VGLL3: variants seen among roughly 807,000 people sequenced by gnomAD.
VGLL3 encodes vestigial like family member 3.
VGLL3 carries 18 observed loss-of-function variants against 29.2 expected under a neutral mutation model. The ratio of observed to expected loss-of-function variants is 0.62; its 90% CI spans 0.43 to 0.91. The LOEUF (loss-of-function observed/expected upper bound fraction) is 0.91, where lower values mean the gene tolerates loss of function less well. Ranked by LOEUF, VGLL3 falls within the 40% of genes least tolerant of loss-of-function variation. VGLL3 has a pLI of 0.00. For missense variants in VGLL3, 440 were observed against 413.2 expected, an observed-to-expected ratio of 1.06 and a Z score of -0.56; for synonymous variants, 180 against 151.8, an observed-to-expected ratio of 1.19 and a Z score of -1.36.
chr3:86,987,359 G>A lies in VGLL3; in HGVS notation c.126+3259C>T, dbSNP rs74891247. Among the ~76,000 whole-genome samples, 902 of 152,206 alleles carry A rather than the reference G, an allele frequency of 5.9e-3. 34 individuals are homozygous for A. In the East Asian group the frequency reaches 0.11, roughly 19 times the overall value. On this transcript the variant is annotated intron_variant, in intron 1 of 3. Transcript: ENST00000398399. ...CCAAGGGCACTTAATTTTTTCAAGT[G>A]AAAGCATGCATGCAGATTCATCCAG...
intron 1 of VGLL3, among the ~76,000 whole-genome samples, chr3:86,983,627 C>T (rs575578211): frequency 3.2e-4 from 49 of 152,226 alleles, no homozygotes; most frequent in Admixed American, 8.5e-4. Context: ...CTTAAGTGAT[C>T]CTCCTGCCTC....
Position 86,968,811 on chromosome 3 carries a change from C to T in VGLL3, c.716G>A (p.Arg239His), listed in dbSNP as rs202199504. ...HHHPHAHMHH[R>H]HRHHHHHHHP... ...GTGATGGTGATGATGGTGGCGGTGG[C>T]GGTGGTGCATGTGGGCATGAGGGTG... Residue 239 changes from arginine (R) to histidine (H), a missense_variant, in exon 3 of 4, where the codon CGC (arginine) becomes CAC (histidine). Arg to His is a conservative substitution (Grantham distance 29). Transcript: ENST00000398399. 17 of 1,613,806 alleles carry T rather than the reference C, an allele frequency of 1.1e-5. No individual in the cohort carries two copies. In the East Asian group the frequency reaches 1.3e-4, roughly 13 times the overall value.
intron 1 of VGLL3, among the ~76,000 whole-genome samples, chr3:86,983,587 T>G (rs1705374718): frequency 6.6e-6 from 1 of 152,148 alleles, no homozygotes; most frequent in South Asian, 2.1e-4. Context: ...GATCTCACTA[T>G]GTTGCCAGGG....
In VGLL3 at chr3:86,990,825, G is replaced by T. The variant is rs1705570691; in HGVS notation, c.-82C>A. ...GAGGGGCGCGGGCGCCGCCGCCGCCGCAGCTGCCGCCTCTGTCGCTGCTCC... is the reference window on the plus strand; with the variant it reads ...GAGGGGCGCGGGCGCCGCCGCCGCCTCAGCTGCCGCCTCTGTCGCTGCTCC... On this transcript the variant is annotated 5_prime_UTR_variant, in exon 1 of 4. Coordinates refer to ENST00000398399, the MANE Select transcript of VGLL3 (RefSeq NM_016206.4). 6 of 1,192,640 alleles carry T rather than the reference G, an allele frequency of 5.0e-6. No individual in the cohort carries two copies. Among genetic ancestry groups the T allele is most frequent in the Non-Finnish European group, 6.3e-6 (6 of 955,898 alleles). 73.9% of individuals were successfully genotyped at this position (1,192,640 alleles called of 1,614,324 possible).
In VGLL3 at chr3:86,961,605, ACT is replaced by A. The variant is rs1487278313; in HGVS notation, c.937+6983_937+6984del. On this transcript the variant is annotated intron_variant, in intron 3 of 3. Coordinates refer to ENST00000398399, the MANE Select transcript of VGLL3 (RefSeq NM_016206.4). ...ACGATCACAAATATTTCCACATTTA[ACT>A]CTCTCCTTCCTTATACACAAAGGGG... Among the ~76,000 whole-genome samples the A allele has an allele frequency of 3.9e-5, 6 of 152,098 alleles. No individual in the cohort carries two copies. The South Asian group carries it at 1.2e-3, about 32-fold the overall frequency.
chr3:86,955,167 G>C (rs1425848076), intron 3 of VGLL3, among the ~76,000 whole-genome samples: 1 of 152,048 alleles, frequency 6.6e-6, no homozygotes, highest in South Asian at 2.1e-4. Flanking sequence ...TGATACCTAG[G>C]AGTATGACTT....
Position 86,945,138 on chromosome 3 carries a change from A to G in VGLL3, c.*1886T>C, listed in dbSNP as rs989025680. On this transcript the variant is annotated 3_prime_UTR_variant, in exon 4 of 4. Transcript: ENST00000398399. The stretch of plus-strand genomic sequence containing the variant: ...AGGTATCTTAAATTTGGACCCCACA[A>G]TGGTAAAAATGTGCATATTGTGTAA... 2.0e-5 allele frequency: 3 copies of G among 152,214 alleles called. No individual in the cohort carries two copies. Among genetic ancestry groups the G allele is most frequent in the Non-Finnish European group, 4.4e-5 (3 of 68,038 alleles). The allele number at this position is 152,214 out of a possible 1,614,324, so 9.4% of individuals were successfully genotyped here. A position where few individuals can be genotyped will look rare whatever the true frequency, so the allele number is the denominator to read the frequency against.
In VGLL3 at chr3:86,990,683, T is replaced by C; in HGVS notation, c.61A>G (p.Asn21Asp). 7.2e-7 allele frequency: 1 copy of C among 1,395,986 alleles called. No homozygotes were observed. The highest frequency in any genetic ancestry group is 9.3e-7 in the Non-Finnish European group (1 of 1,070,364). The allele number at this position is 1,395,986 out of a possible 1,614,324, so 86.5% of individuals were successfully genotyped here. A position where few individuals can be genotyped will look rare whatever the true frequency, so the allele number is the denominator to read the frequency against. ...GGGCAGGTTGTCGCTGCCATGGGGT[T>C]GGGCAGATACTGGGACGCTCCATAA... ...QPYGASQYLP[N>D]PMAATTCPTA... The change falls in exon 1 of 4, where the codon AAC becomes GAC. Residue 21 changes from asparagine (N) to aspartate (D), a missense_variant. Transcript: ENST00000398399.
In VGLL3 at chr3:86,968,601, C is replaced by A. The variant is rs762423149; in HGVS notation, c.926G>T (p.Gly309Val). Residue 309 changes from glycine (G) to valine (V), a missense_variant, in exon 3 of 4, where the codon GGA (glycine) becomes GTA (valine). Physicochemically the swap from Gly to Val is moderately radical, Grantham distance 109. Coordinates refer to ENST00000398399, the MANE Select transcript of VGLL3 (RefSeq NM_016206.4). The part of the protein sequence containing the change: ...HGTVDIVPSV[G>V]FDTGLQHQDK... ...ATCCAGCAGCTTACCTGTATCGAATCCCACGCTGGGCACTATGTCTACTGT... is the reference window on the plus strand; with the variant it reads ...ATCCAGCAGCTTACCTGTATCGAATACCACGCTGGGCACTATGTCTACTGT... 34 of 1,612,684 alleles carry A rather than the reference C, an allele frequency of 2.1e-5. 2 individuals are homozygous for A. In the South Asian group the frequency reaches 3.4e-4, roughly 16 times the overall value.
chr3:86,962,141 G>C, intron 3 of VGLL3: 1 of 985,332 alleles, frequency 1.0e-6, no homozygotes, highest in South Asian at 4.7e-5. Flanking sequence ...TGAGATTTGT[G>C]ATAACAGCCT....
intron 3 of VGLL3, among the ~76,000 whole-genome samples, chr3:86,952,202 G>C (rs751403434): frequency 6.6e-6 from 1 of 152,110 alleles, no homozygotes; most frequent in Non-Finnish European, 1.5e-5. Flanking sequence ...TGAGAATAAC[G>C]GAGCTGCCAG....
At chr3:86,982,840 G>A (rs1035224982) in intron 1 of VGLL3, among the ~76,000 whole-genome samples, 4 of 152,150 alleles carry the variant, frequency 2.6e-5, no homozygotes, top group Non-Finnish European at 5.9e-5. Context: ...ACATAGTTAT[G>A]ACAATTTTTC....
At chr3:86,978,372 C>CA (rs1705251802) in intron 2 of VGLL3, among the ~76,000 whole-genome samples, 154 bp downstream of exon 2, 1 of 152,178 alleles carries the variant, frequency 6.6e-6, no homozygotes, top group African/African-American at 2.4e-5. Flanking sequence ...AAAACCGATC[C>CA]AGCTGTTTGT....
At chr3:86,962,504 C>T in intron 3 of VGLL3, 3 of 984,848 alleles carry the variant, frequency 3.0e-6, no homozygotes, top group Non-Finnish European at 3.6e-6. Flanking sequence ...TCAAACTCTA[C>T]TATAATATGT....
chr3:86,948,893 G>C (rs551113163), intron 3 of VGLL3, among the ~76,000 whole-genome samples: 57 of 152,108 alleles, frequency 3.7e-4, no homozygotes, highest in Non-Finnish European at 7.4e-4. Context: ...TGGTTTTCTG[G>C]TTAGAATAAT....
At chr3:86,965,956 A>G (rs1222884752) in intron 3 of VGLL3, among the ~76,000 whole-genome samples, 1 of 152,170 alleles carries the variant, frequency 6.6e-6, no homozygotes, top group East Asian at 1.9e-4. Context: ...TCTGTTTCCT[A>G]GAAAAATTGA....
Position 86,942,254 on chromosome 3 carries a change from G to C in VGLL3, c.*4770C>G, listed in dbSNP as rs532916800. 3 of 152,126 alleles carry C rather than the reference G, an allele frequency of 2.0e-5. No homozygotes were observed. The highest frequency in any genetic ancestry group is 2.1e-4 in the South Asian group (1 of 4,830). 9.4% of individuals were successfully genotyped at this position (152,126 alleles called of 1,614,324 possible). A position where few individuals can be genotyped will look rare whatever the true frequency, so the allele number is the denominator to read the frequency against. On this transcript the variant is annotated 3_prime_UTR_variant, in exon 4 of 4. Coordinates refer to ENST00000398399, the MANE Select transcript of VGLL3 (RefSeq NM_016206.4). ...TTTCTGATCCCATACAGTTTCTGCT[G>C]TCTTTCCCTTGGCTGCAAAGGTGAT...
intron 2 of VGLL3, among the ~76,000 whole-genome samples, chr3:86,976,767 G>C (rs1378394028): frequency 6.6e-6 from 1 of 152,022 alleles, no homozygotes; most frequent in Admixed American, 6.6e-5. Context: ...AAATAATTTG[G>C]GACATTAATT....
In VGLL3 at chr3:86,944,090, A is replaced by G. The variant is rs1253455526; in HGVS notation, c.*2934T>C. On this transcript the variant is annotated 3_prime_UTR_variant, in exon 4 of 4. Transcript: ENST00000398399. ...ATTTTAAACTTGGAATGAATTCAGA[A>G]TATTATGCTAAATTACAACCCATCC... 1 of 152,224 alleles carries G rather than the reference A, an allele frequency of 6.6e-6. No homozygotes were observed. Among genetic ancestry groups the G allele is most frequent in the Admixed American group, 6.5e-5 (1 of 15,274 alleles). 9.4% of individuals were successfully genotyped at this position (152,224 alleles called of 1,614,324 possible). A position where few individuals can be genotyped will look rare whatever the true frequency, so the allele number is the denominator to read the frequency against.
Sources: allele counts gnomAD v4.1 joint callset (sites outside exome capture counted in the v4.1 genomes callset), GRCh38; gene constraint gnomAD v4.1.1; transcripts MANE v1.5; gene names NCBI Gene and HGNC (gene_info 2026-07-23, HGNC 2026-07-21).